LDB2: variants seen among roughly 807,000 people sequenced by gnomAD.
The protein encoded by LDB2 is LIM domain-binding protein 2.
LDB2 carries 12 observed loss-of-function variants against 44.3 expected under a neutral mutation model. The ratio of observed to expected loss-of-function variants is 0.27; its 90% CI spans 0.17 to 0.44. LDB2 has a LOEUF of 0.44. LDB2 is among the 20% of genes least tolerant of loss of function. The probability of loss-of-function intolerance (pLI) is 1.00; values close to 1 mark genes in which losing one functional copy is unlikely to be tolerated. For missense variants in LDB2, 344 were observed against 473.5 expected (o/e 0.73, Z 2.54); for synonymous variants, 164 against 174.8 (o/e 0.94, Z 0.49).
intron 1 of LDB2, among the ~76,000 whole-genome samples, chr4:16,767,783 A>G (rs1215196543): frequency 2.0e-5 from 3 of 152,196 alleles, no homozygotes; most frequent in African/African-American, 7.2e-5. Context: ...ACAATCCCCT[A>G]TATGCATTTG....
chr4:16,791,156 T>C (rs962530667), intron 1 of LDB2, among the ~76,000 whole-genome samples: 10 of 152,350 alleles, frequency 6.6e-5, no homozygotes, highest in African/African-American at 2.4e-4. Flanking sequence ...TGACAAAGCC[T>C]GTTCTTTGTG....
At chr4:16,850,936 T>A (rs1002764166) in intron 1 of LDB2, among the ~76,000 whole-genome samples, 3 of 96,892 alleles carry the variant, frequency 3.1e-5, no homozygotes, top group African/African-American at 1.5e-4. Context: ...TAGGTAATAG[T>A]TAAAACCATA....
intron 1 of LDB2, among the ~76,000 whole-genome samples, chr4:16,808,575 A>G (rs1011868339): frequency 6.6e-6 from 1 of 152,198 alleles, no homozygotes; most frequent in East Asian, 1.9e-4. Flanking sequence ...TGCTAATGGA[A>G]GATTCAAAGG....
intron 1 of LDB2, among the ~76,000 whole-genome samples, chr4:16,790,204 C>G (rs537475019): frequency 2.0e-5 from 3 of 152,136 alleles, no homozygotes; most frequent in Non-Finnish European, 4.4e-5. Context: ...TTTTACAAAT[C>G]GAGACTCCAA....
rs1277791384 is a variant in LDB2, at chr4:16,897,893, AAAATATATATATATAT to A, written c.132+445_132+460del. On this transcript the variant is annotated intron_variant, in intron 1 of 7. Coordinates refer to ENST00000304523, the MANE Select transcript of LDB2 (RefSeq NM_001290.5). ...ACTTCCTCTAGGATTTGTAAAAAAGAAAATATATATATATATATATATATATATATATATATATATA... is the reference window on the plus strand; with the variant it reads ...ACTTCCTCTAGGATTTGTAAAAAAGAATATATATATATATATATATATATA... Among the ~76,000 whole-genome samples, 3 of 46,698 alleles carry A rather than the reference AAAATATATATATATAT, an allele frequency of 6.4e-5. 1 individual carries two copies. Among genetic ancestry groups the A allele is most frequent in the African/African-American group, 2.0e-4 (3 of 15,114 alleles). 30.6% of individuals were successfully genotyped at this position (46,698 alleles called of 152,430 possible). A position where few individuals can be genotyped will look rare whatever the true frequency, so the allele number is the denominator to read the frequency against.
chr4:16,803,868 T>G (rs752707741), intron 1 of LDB2, among the ~76,000 whole-genome samples: 1 of 152,248 alleles, frequency 6.6e-6, no homozygotes, highest in Non-Finnish European at 1.5e-5. Context: ...TTATTTTACT[T>G]TTTAAAAAAT....
intron 1 of LDB2, among the ~76,000 whole-genome samples, chr4:16,780,759 C>T (rs915558228): frequency 6.6e-6 from 1 of 150,546 alleles, no homozygotes; most frequent in Non-Finnish European, 1.5e-5. Context: ...TTCATGAACA[C>T]ACATTCCACG....
Position 16,543,697 on chromosome 4 carries a change from G to A in LDB2, c.616-31593C>T, listed in dbSNP as rs184271347. ...CCTAGGCAATACCATTCAGGACACA[G>A]GCATGGGCAAGGACTTCATGAGTAA... On this transcript the variant is annotated intron_variant, in intron 5 of 7. Coordinates refer to ENST00000304523, the MANE Select transcript of LDB2 (RefSeq NM_001290.5). Among the ~76,000 whole-genome samples the A allele has an allele frequency of 9.9e-3, 1,511 of 152,328 alleles. 25 individuals carry two copies. Among genetic ancestry groups the A allele is most frequent in the African/African-American group, 0.035 (1,436 of 41,564 alleles).
At chr4:16,855,569 A>G (rs1001916741) in intron 1 of LDB2, among the ~76,000 whole-genome samples, 4 of 152,148 alleles carry the variant, frequency 2.6e-5, no homozygotes, top group Admixed American at 2.0e-4. Context: ...TATTTTCTCA[A>G]AAATGAACAA....
intron 1 of LDB2, among the ~76,000 whole-genome samples, chr4:16,801,215 T>TA (rs1777760119): frequency 6.6e-6 from 1 of 152,226 alleles, no homozygotes; most frequent in Admixed American, 6.5e-5. Flanking sequence ...AAGCCCATCC[T>TA]GTAAGCTCTT....
At chr4:16,506,788 A>G (rs768016414) in intron 7 of LDB2, 4 of 152,196 alleles carry the variant, frequency 2.6e-5, no homozygotes, top group Non-Finnish European at 5.9e-5. Flanking sequence ...AGTACCTGGC[A>G]CAGTGTGGGC....
At chr4:16,769,590 C>A (rs1770182438) in intron 1 of LDB2, among the ~76,000 whole-genome samples, 1 of 151,870 alleles carries the variant, frequency 6.6e-6, no homozygotes, top group South Asian at 2.1e-4. Context: ...GCCACTGTGC[C>A]CAGCCCTATG....
intron 1 of LDB2, among the ~76,000 whole-genome samples, chr4:16,865,132 G>A (rs79636813): frequency 0.05 from 7,481 of 150,532 alleles, 582 homozygotes; most frequent in African/African-American, 0.17. Flanking sequence ...TGAGCCTGTA[G>A]TCCCAGCTCC....
chr4:16,600,518 A>T (rs1722286405), intron 2 of LDB2, among the ~76,000 whole-genome samples: 1 of 152,176 alleles, frequency 6.6e-6, no homozygotes, highest in Non-Finnish European at 1.5e-5. Context: ...GTATTCATGA[A>T]AGATAAAAGA....
At chr4:16,771,979 T>C (rs757037030) in intron 1 of LDB2, among the ~76,000 whole-genome samples, 8 of 152,170 alleles carry the variant, frequency 5.3e-5, no homozygotes, top group African/African-American at 7.2e-5. Flanking sequence ...GGACTTTCTC[T>C]TCTTCTTTGC....
At chr4:16,590,405 G>A (rs1337148314) in intron 3 of LDB2, among the ~76,000 whole-genome samples, 1 of 152,130 alleles carries the variant, frequency 6.6e-6, no homozygotes, top group Non-Finnish European at 1.5e-5. Context: ...TATAGTCCAC[G>A]AAGTTAGTGA....
chr4:16,506,577 C>T (rs1719541205), intron 7 of LDB2: 1 of 152,244 alleles, frequency 6.6e-6, no homozygotes, highest in Non-Finnish European at 1.5e-5. Context: ...GACATGTAAG[C>T]TGCTACTCTC....
chr4:16,608,114 A>C (rs545634670), intron 2 of LDB2, among the ~76,000 whole-genome samples: 78 of 151,716 alleles, frequency 5.1e-4, no homozygotes, highest in African/African-American at 1.8e-3. Flanking sequence ...CTCCTATCTA[A>C]GACAACTTAG....
intron 6 of LDB2, among the ~76,000 whole-genome samples, chr4:16,509,845 A>G (rs933087834): frequency 6.6e-6 from 1 of 152,168 alleles, no homozygotes; most frequent in Non-Finnish European, 1.5e-5. Flanking sequence ...GACGGGTGCC[A>G]TGGCTCATGG....
Sources: allele counts gnomAD v4.1 joint callset (sites outside exome capture counted in the v4.1 genomes callset), GRCh38; gene constraint gnomAD v4.1.1; transcripts MANE v1.5; gene names NCBI Gene and HGNC (gene_info 2026-07-23, HGNC 2026-07-21).